The following ACYP2 variants were observed in gnomAD, a reference collection of about 807,000 sequenced individuals.
ACYP2 encodes acylphosphatase 2, also known as acylphosphatase-2.
ACYP2 carries 12 observed loss-of-function variants against 11.2 expected under a neutral mutation model. That is an observed-to-expected ratio of 1.08 (90% CI 0.69 to 1.74). ACYP2 has a LOEUF of 1.74. ACYP2 is among the 40% of genes most tolerant of loss of function. The probability of loss-of-function intolerance (pLI) is 0.00; values close to 1 mark genes in which losing one functional copy is unlikely to be tolerated. For missense variants in ACYP2, 134 were observed against 101.9 expected (o/e 1.31, Z -1.35); for synonymous variants, 43 against 32.2 (o/e 1.33, Z -1.13).
chr2:54,068,450 A>G (rs1221757390), intron 4 of ACYP2, among the ~76,000 whole-genome samples: 1 of 152,164 alleles, frequency 6.6e-6, no homozygotes, highest in Non-Finnish European at 1.5e-5. Context: ...CAGTCTGGCT[A>G]TGATATGTAT....
chr2:54,288,727 G>A (rs918608221), intron 6 of ACYP2, among the ~76,000 whole-genome samples: 18 of 152,120 alleles, frequency 1.2e-4, no homozygotes, highest in African/African-American at 4.4e-4. Context: ...ATGTAACGGT[G>A]CCTTGTAGGA....
At chr2:53,985,434 A>C (rs1671986387) in intron 2 of ACYP2, among the ~76,000 whole-genome samples, 1 of 151,940 alleles carries the variant, frequency 6.6e-6, no homozygotes, top group African/African-American at 2.4e-5. Flanking sequence ...TCATGTTCTC[A>C]CTTCAGGACC....
intron 6 of ACYP2, among the ~76,000 whole-genome samples, chr2:54,276,609 G>A (rs997623147): frequency 3.7e-5 from 5 of 136,514 alleles, no homozygotes; most frequent in Non-Finnish European, 7.8e-5. Flanking sequence ...TTTGGGTTCA[G>A]ATTGTTCTTT....
chr2:54,254,784 A>C, intron 6 of ACYP2: 1 of 814,746 alleles, frequency 1.2e-6, no homozygotes, highest in Non-Finnish European at 1.9e-6. Context: ...GGTTGAGAGA[A>C]CGGAAAGTTT....
At chr2:53,981,139 T>C (rs1671741379) in intron 2 of ACYP2, among the ~76,000 whole-genome samples, 1 of 152,198 alleles carries the variant, frequency 6.6e-6, no homozygotes, top group South Asian at 2.1e-4. Flanking sequence ...TGTGTTACAA[T>C]TGCCTGTAGT....
chr2:54,184,861 T>TTTG (rs1553387236), intron 6 of ACYP2, among the ~76,000 whole-genome samples: 1 of 151,286 alleles, frequency 6.6e-6, no homozygotes, highest in East Asian at 1.9e-4. Context: ...TTTTTTTTTT[T>TTTG]TGGAGACAAG....
chr2:54,284,844 G>A (rs77664558), intron 6 of ACYP2, among the ~76,000 whole-genome samples: 1 of 152,292 alleles, frequency 6.6e-6, no homozygotes, highest in East Asian at 1.9e-4. Context: ...CAAATCCAGT[G>A]ATCAGTTCTT....
At chr2:54,282,254 T>C (rs1446042769) in intron 6 of ACYP2, among the ~76,000 whole-genome samples, 1 of 152,194 alleles carries the variant, frequency 6.6e-6, no homozygotes, top group South Asian at 2.1e-4. Context: ...GGGTTAGAGA[T>C]TGGGGACTTT....
intron 4 of ACYP2, among the ~76,000 whole-genome samples, chr2:54,102,610 T>C (rs527855476): frequency 9.4e-6 from 1 of 106,182 alleles, no homozygotes; most frequent in Non-Finnish European, 1.8e-5. Context: ...AGTGCCATGA[T>C]AGAAACCCAA....
intron 2 of ACYP2, among the ~76,000 whole-genome samples, chr2:53,991,061 G>T (rs1244118808): frequency 6.6e-6 from 1 of 152,220 alleles, no homozygotes; most frequent in African/African-American, 2.4e-5. Context: ...CTCCCAAAGT[G>T]CTGGGATTAC....
intron 6 of ACYP2, among the ~76,000 whole-genome samples, chr2:54,196,648 G>T (rs1684493240): frequency 6.6e-6 from 1 of 152,136 alleles, no homozygotes; most frequent in Admixed American, 6.5e-5. Flanking sequence ...TTGTTGTGAG[G>T]GGCTGTCCTG....
chr2:54,248,115 T>C (rs1014509083), intron 6 of ACYP2, among the ~76,000 whole-genome samples: 5 of 152,224 alleles, frequency 3.3e-5, no homozygotes, highest in African/African-American at 1.2e-4. Flanking sequence ...GGGACTATAA[T>C]TGCAAAGCAA....
intron 6 of ACYP2, among the ~76,000 whole-genome samples, chr2:54,162,701 C>T (rs1025040216): frequency 6.6e-6 from 1 of 152,166 alleles, no homozygotes; most frequent in Non-Finnish European, 1.5e-5. Context: ...CATGGTGGCT[C>T]ACCCCCATAA....
intron 2 of ACYP2, among the ~76,000 whole-genome samples, chr2:54,035,945 T>G (rs901477862): frequency 6.6e-6 from 1 of 152,194 alleles, no homozygotes; most frequent in Non-Finnish European, 1.5e-5. Context: ...ATGTCAACAA[T>G]ATAATTAAAT....
At chr2:54,212,990 C>T (rs1685392612) in intron 6 of ACYP2, among the ~76,000 whole-genome samples, 1 of 151,144 alleles carries the variant, frequency 6.6e-6, no homozygotes, top group Non-Finnish European at 1.5e-5. Flanking sequence ...AGATTTGTTA[C>T]ATGGGTAAAT....
At chr2:53,990,212 C>G (rs192564545) in intron 2 of ACYP2, among the ~76,000 whole-genome samples, 96 of 152,066 alleles carry the variant, frequency 6.3e-4, no homozygotes, top group African/African-American at 2.1e-3. Flanking sequence ...CTCCTGACCT[C>G]AAGTGACTTA....
intron 2 of ACYP2, among the ~76,000 whole-genome samples, chr2:53,997,986 C>G (rs945474798): frequency 6.6e-6 from 1 of 152,098 alleles, no homozygotes; most frequent in African/African-American, 2.4e-5. Flanking sequence ...GTGGTGTTTG[C>G]TGATCAAAAA....
chr2:54,256,636 C>T (rs1382371052), intron 6 of ACYP2, among the ~76,000 whole-genome samples: 1 of 152,080 alleles, frequency 6.6e-6, no homozygotes, highest in African/African-American at 2.4e-5. Context: ...TATTTCCTCC[C>T]ACTCTGTGGG....
intron 2 of ACYP2, among the ~76,000 whole-genome samples, chr2:54,048,622 A>T (rs1675657205): frequency 6.6e-6 from 1 of 152,196 alleles, no homozygotes; most frequent in Non-Finnish European, 1.5e-5. Flanking sequence ...CACCTCAGCC[A>T]CCAGAGTAGC....
Sources: gnomAD v4.1 joint callset for allele counts (sites outside exome capture counted in the v4.1 genomes callset) on GRCh38, gnomAD v4.1.1 for gene constraint, MANE v1.5 for transcripts, NCBI Gene and HGNC (gene_info 2026-07-23, HGNC 2026-07-21) for gene names.